LRRTM4: variants seen among roughly 807,000 people sequenced by gnomAD.
LRRTM4 encodes leucine rich repeat transmembrane neuronal 4, also known as leucine-rich repeat transmembrane neuronal protein 4.
A neutral mutation model predicts 47.6 loss-of-function variants in LRRTM4; 25 were observed. That is an observed-to-expected ratio of 0.53 (90% confidence interval 0.38 to 0.73). LRRTM4 has a LOEUF of 0.73. Ranked by LOEUF, LRRTM4 falls within the 30% of genes least tolerant of loss-of-function variation. The probability of loss-of-function intolerance (pLI) is 0.00; values close to 1 mark genes in which losing one functional copy is unlikely to be tolerated. For synonymous variants in LRRTM4, 311 were observed against 269.5 expected (o/e 1.15, Z -1.51); for missense variants, 638 against 713.4 (o/e 0.89, Z 1.20).
At chr2:77,434,445 G>T (rs1215699970) in intron 3 of LRRTM4, among the ~76,000 whole-genome samples, 1 of 119,332 alleles carries the variant, frequency 8.4e-6, no homozygotes, top group Non-Finnish European at 1.7e-5. Context: ...CACTTGATCT[G>T]TTAAAAAAAA....
At chr2:77,117,394 T>C (rs1413447436) in intron 3 of LRRTM4, among the ~76,000 whole-genome samples, 2 of 151,994 alleles carry the variant, frequency 1.3e-5, no homozygotes, top group Non-Finnish European at 2.9e-5. Context: ...GAATATATGG[T>C]ATATACCTCT....
chr2:77,494,037 T>C (rs1199217487), intron 3 of LRRTM4, among the ~76,000 whole-genome samples: 2 of 152,130 alleles, frequency 1.3e-5, no homozygotes, highest in African/African-American at 4.8e-5. Context: ...AATTGACTTT[T>C]TGAATTAGTT....
At chr2:77,055,242 G>C (rs1034663127) in intron 3 of LRRTM4, among the ~76,000 whole-genome samples, 1 of 152,166 alleles carries the variant, frequency 6.6e-6, no homozygotes, top group Admixed American at 6.5e-5. Context: ...AAAATAAAAA[G>C]ATACCACAGA....
At chr2:77,509,038 C>G (rs576713588) in intron 3 of LRRTM4, among the ~76,000 whole-genome samples, 23 of 152,070 alleles carry the variant, frequency 1.5e-4, no homozygotes, top group African/African-American at 4.6e-4. Context: ...TCAAGACCAG[C>G]CTGGCCAACA....
chr2:77,412,590 C>T lies in LRRTM4; in HGVS notation c.1551+105728G>A, dbSNP rs182764894. Among the ~76,000 whole-genome samples, 63 of 152,250 alleles carry T rather than the reference C, an allele frequency of 4.1e-4. 1 individual carries two copies. The highest frequency in any genetic ancestry group is 3.8e-3 in the Admixed American group (58 of 15,300). On this transcript the variant is annotated intron_variant, in intron 3 of 3. Coordinates refer to ENST00000409884, the MANE Select transcript of LRRTM4 (RefSeq NM_001134745.3). The stretch of plus-strand genomic sequence containing the variant: ...TGTCTGTCTGTAACTGAAGATATGA[C>T]AACATTGAAACACACAGCCGTGTCT...
intron 3 of LRRTM4, among the ~76,000 whole-genome samples, chr2:76,819,457 A>G (rs892743260): frequency 6.6e-6 from 1 of 151,942 alleles, no homozygotes; most frequent in Admixed American, 6.6e-5. Flanking sequence ...GAAACATTCT[A>G]TAATTAAAAA....
intron 3 of LRRTM4, among the ~76,000 whole-genome samples, chr2:77,078,383 CACACACACA>C (rs754750397): frequency 0.068 from 4,971 of 73,210 alleles, 100 homozygotes; most frequent in African/African-American, 0.18. Context: ...CACACACCCA[CACACACACA>C]CACACACACA....
intron 3 of LRRTM4, among the ~76,000 whole-genome samples, chr2:77,395,210 C>T (rs1043788509): frequency 1.3e-4 from 19 of 151,986 alleles, no homozygotes; most frequent in Non-Finnish European, 2.2e-4. Context: ...ATATAAGAGG[C>T]GTATCTGACC....
chr2:77,282,387 G>A (rs567877664), intron 3 of LRRTM4, among the ~76,000 whole-genome samples: 26 of 151,926 alleles, frequency 1.7e-4, no homozygotes, highest in Middle Eastern at 3.4e-3. Flanking sequence ...TCTACAAAGA[G>A]AGATAGTTTG....
intron 3 of LRRTM4, among the ~76,000 whole-genome samples, chr2:77,165,160 T>C (rs1484174523): frequency 6.6e-6 from 1 of 151,962 alleles, no homozygotes; most frequent in Non-Finnish European, 1.5e-5. Flanking sequence ...AAATAAGAAA[T>C]ACTATCAGAG....
rs528319921 is a variant in LRRTM4, at chr2:77,270,296, T to C, written c.1551+248022A>G. On this transcript the variant is annotated intron_variant, in intron 3 of 3. Transcript: ENST00000409884. ...AAGGTAATAGGTCTTGCTCTCGGTT[T>C]GCCAAAGAAGGTTGTGAAATTGTAT... Among the ~76,000 whole-genome samples the C allele has an allele frequency of 1.9e-3, 284 of 152,290 alleles. 2 individuals carry two copies. The highest frequency in any genetic ancestry group is 6.4e-3 in the African/African-American group (267 of 41,554).
At chr2:76,878,609 A>G (rs1299939775) in intron 3 of LRRTM4, among the ~76,000 whole-genome samples, 1 of 152,130 alleles carries the variant, frequency 6.6e-6, no homozygotes, top group East Asian at 1.9e-4. Context: ...CATGCCTGCA[A>G]TCCCAGCCCA....
At chr2:77,285,379 T>C (rs1345257471) in intron 3 of LRRTM4, among the ~76,000 whole-genome samples, 1 of 133,522 alleles carries the variant, frequency 7.5e-6, no homozygotes, top group Non-Finnish European at 1.6e-5. Context: ...ATAGAAATGC[T>C]AAAAATTATA....
intron 3 of LRRTM4, among the ~76,000 whole-genome samples, chr2:77,419,885 T>C (rs1674803306): frequency 6.6e-6 from 1 of 152,154 alleles, no homozygotes; most frequent in Admixed American, 6.5e-5. Context: ...TAAGTAATCA[T>C]AGAAGAAACA....
At chr2:77,462,854 C>T (rs1191568271) in intron 3 of LRRTM4, among the ~76,000 whole-genome samples, 2 of 151,418 alleles carry the variant, frequency 1.3e-5, no homozygotes, top group Non-Finnish European at 2.9e-5. Context: ...GGCAACCCTC[C>T]TTCTTTTAAG....
intron 3 of LRRTM4, among the ~76,000 whole-genome samples, chr2:76,760,429 G>A (rs1043784935): frequency 1.3e-5 from 2 of 152,190 alleles, no homozygotes; most frequent in African/African-American, 4.8e-5. Flanking sequence ...AAGAGGGAAG[G>A]AGATGACTAT....
At chr2:77,511,373 G>A (rs146142665) in intron 3 of LRRTM4, among the ~76,000 whole-genome samples, 60 of 151,876 alleles carry the variant, frequency 4.0e-4, no homozygotes, top group Non-Finnish European at 6.8e-4. Context: ...GTGTTTAATC[G>A]TATATAGCTG....
intron 3 of LRRTM4, among the ~76,000 whole-genome samples, chr2:76,929,438 T>C (rs552978474): frequency 1.3e-5 from 2 of 152,164 alleles, no homozygotes; most frequent in Admixed American, 1.3e-4. Context: ...ATCTGGACAT[T>C]TGCAGAGAAT....
chr2:77,094,752 C>G (rs1318308356), intron 3 of LRRTM4, among the ~76,000 whole-genome samples: 1 of 152,132 alleles, frequency 6.6e-6, no homozygotes, highest in Non-Finnish European at 1.5e-5. Flanking sequence ...AAATTGGATA[C>G]TTCGGTCACA....
Sources: gnomAD v4.1 joint callset for allele counts (sites outside exome capture counted in the v4.1 genomes callset) on GRCh38, gnomAD v4.1.1 for gene constraint, MANE v1.5 for transcripts, NCBI Gene and HGNC (gene_info 2026-07-23, HGNC 2026-07-21) for gene names.